The following SNX29 variants were observed in gnomAD, a reference collection of about 807,000 sequenced individuals.
SNX29 encodes sorting nexin-29.
A neutral mutation model predicts 102.1 loss-of-function variants in SNX29; 78 were observed. That is an observed-to-expected ratio of 0.76 (90% CI 0.64 to 0.92). SNX29 has a LOEUF of 0.92. Among genes scored for constraint, SNX29 ranks in the 40% least tolerant of loss-of-function variants. The pLI is 0.00. For missense variants in SNX29, 1,280 were observed against 1,061.7 expected, an observed-to-expected ratio of 1.21 and a Z score of -2.86; for synonymous variants, 580 against 414.5, an observed-to-expected ratio of 1.40 and a Z score of -4.85.
At chr16:12,104,547 C>T (rs1397464543) in intron 11 of SNX29, among the ~76,000 whole-genome samples, 1 of 151,814 alleles carries the variant, frequency 6.6e-6, no homozygotes, top group East Asian at 1.9e-4. Flanking sequence ...CAGAGCGAGA[C>T]TCCATCTCAA....
intron 20 of SNX29, among the ~76,000 whole-genome samples, chr16:12,562,715 G>C (rs766067353): frequency 2.0e-5 from 3 of 152,176 alleles, no homozygotes; most frequent in Non-Finnish European, 2.9e-5. Flanking sequence ...GAAGCCTACC[G>C]TGGTACTGTT....
intron 9 of SNX29, among the ~76,000 whole-genome samples, chr16:12,066,306 C>T (rs992422157): frequency 5.3e-5 from 8 of 152,132 alleles, no homozygotes; most frequent in African/African-American, 1.9e-4. Flanking sequence ...GTGGACACGA[C>T]TTGTGAGCCA....
intron 20 of SNX29, chr16:12,561,110 G>A (rs2078700704): frequency 8.8e-6 from 2 of 227,338 alleles, no homozygotes; most frequent in Admixed American, 5.7e-5. Context: ...AGATTTCACG[G>A]GGCACCCATC....
intron 13 of SNX29, among the ~76,000 whole-genome samples, chr16:12,170,443 T>C (rs988302302): frequency 2.6e-5 from 4 of 151,958 alleles, no homozygotes; most frequent in Non-Finnish European, 5.9e-5. Flanking sequence ...GGAGACCACT[T>C]AGCCCTGAGG....
At chr16:12,340,760 C>A (rs962376301) in intron 15 of SNX29, among the ~76,000 whole-genome samples, 28 of 152,112 alleles carry the variant, frequency 1.8e-4, no homozygotes, top group African/African-American at 6.0e-4. Flanking sequence ...TTAGGTCACC[C>A]GGAGCATGTG....
At chr16:12,568,233 A>G (rs1270983004) in intron 20 of SNX29, among the ~76,000 whole-genome samples, 2 of 151,468 alleles carry the variant, frequency 1.3e-5, no homozygotes, top group Non-Finnish European at 2.9e-5. Context: ...CTTAAAATGT[A>G]GACCGGAACG....
chr16:12,169,298 G>C (rs1429082701), intron 13 of SNX29, among the ~76,000 whole-genome samples: 1 of 152,216 alleles, frequency 6.6e-6, no homozygotes, highest in African/African-American at 2.4e-5. Context: ...AAGCGCAAGT[G>C]ACGCCGCCTG....
At chr16:12,030,564 A>G (rs2057311551) in intron 4 of SNX29, among the ~76,000 whole-genome samples, 4 of 152,120 alleles carry the variant, frequency 2.6e-5, no homozygotes, top group Admixed American at 2.6e-4. Context: ...CGGTTCCTCC[A>G]TCCTCAGTGA....
chr16:12,425,537 A>T (rs534755119), intron 18 of SNX29, among the ~76,000 whole-genome samples: 23 of 135,786 alleles, frequency 1.7e-4, no homozygotes, highest in East Asian at 2.3e-4. Context: ...GTTAAAAAAA[A>T]AAAAAAATAA....
At chr16:12,198,965 G>C (rs894378438) in intron 13 of SNX29, among the ~76,000 whole-genome samples, 11 of 152,184 alleles carry the variant, frequency 7.2e-5, no homozygotes. Context: ...TACCTGGGGA[G>C]TGAGTTCAGC....
chr16:12,051,955 C>T lies in SNX29; in HGVS notation c.857C>T (p.Pro286Leu), dbSNP rs1230858993. 1.2e-6 allele frequency: 2 copies of T among 1,613,658 alleles called. No individual in the cohort carries two copies. The highest frequency in any genetic ancestry group is 1.7e-6 in the Non-Finnish European group (2 of 1,179,848). ...TCTGGGGACGTGTTTAAAAAGACAC[C>T]TGGGGCAGGGGAGAGCTCAGAGGAC... ...QNSGDVFKKT[P>L]GAGESSEDNS... The change falls in exon 8 of 21, where the codon CCT (proline) becomes CTT (leucine). Residue 286 changes from proline to leucine, a missense_variant. Physicochemically the swap from Pro to Leu is moderately conservative, Grantham distance 98. Transcript: ENST00000566228.
At chr16:12,284,958 T>C (rs998233717) in intron 15 of SNX29, among the ~76,000 whole-genome samples, 2 of 152,168 alleles carry the variant, frequency 1.3e-5, no homozygotes, top group East Asian at 1.9e-4. Flanking sequence ...ACTCCTGACC[T>C]CAGGTGATCC....
intron 1 of SNX29, among the ~76,000 whole-genome samples, chr16:11,985,035 A>G: frequency 6.6e-6 from 1 of 151,482 alleles, no homozygotes; most frequent in Non-Finnish European, 1.5e-5. Flanking sequence ...CATCCCTTAG[A>G]TTATGTCTGT....
At chr16:12,308,593 G>A (rs1188647844) in intron 15 of SNX29, among the ~76,000 whole-genome samples, 1 of 152,088 alleles carries the variant, frequency 6.6e-6, no homozygotes, top group Non-Finnish European at 1.5e-5. Context: ...TGCTAGTCAC[G>A]GCTTCGAGTG....
chr16:12,131,152 C>G (rs1163058613), intron 13 of SNX29, among the ~76,000 whole-genome samples: 1 of 152,204 alleles, frequency 6.6e-6, no homozygotes, highest in Non-Finnish European at 1.5e-5. Context: ...GCTGTGCTCT[C>G]ACAGCCATGG....
chr16:12,408,181 A>AC (rs1555530446), intron 18 of SNX29, among the ~76,000 whole-genome samples: 4 of 148,664 alleles, frequency 2.7e-5, no homozygotes, highest in Non-Finnish European at 4.5e-5. Flanking sequence ...AACAAACAAA[A>AC]AAAAAACTAG....
At chr16:12,142,333 C>A (rs1460572291) in intron 13 of SNX29, among the ~76,000 whole-genome samples, 1 of 152,070 alleles carries the variant, frequency 6.6e-6, no homozygotes, top group Non-Finnish European at 1.5e-5. Flanking sequence ...TGAGTTGTGC[C>A]CTTCGCCATT....
intron 15 of SNX29, among the ~76,000 whole-genome samples, chr16:12,279,260 C>A (rs1452328263): frequency 6.6e-6 from 1 of 152,228 alleles, no homozygotes; most frequent in African/African-American, 2.4e-5. Context: ...TTCAGAGGCC[C>A]AGGGCCTTGG....
chr16:12,236,524 C>T (rs8054071), intron 14 of SNX29, among the ~76,000 whole-genome samples: 85 of 152,270 alleles, frequency 5.6e-4, no homozygotes, highest in African/African-American at 2.0e-3. Context: ...CATGACTTTC[C>T]GCATCCCTGA....
Sources: gnomAD v4.1 joint callset for allele counts (sites outside exome capture counted in the v4.1 genomes callset) on GRCh38, gnomAD v4.1.1 for gene constraint, MANE v1.5 for transcripts, NCBI Gene and HGNC (gene_info 2026-07-23, HGNC 2026-07-21) for gene names.